The following SLC9A4 variants were observed in gnomAD, a reference collection of about 807,000 sequenced individuals.
SLC9A4 encodes solute carrier family 9 member A4.
SLC9A4 carries 63 observed loss-of-function variants against 67.4 expected under a neutral mutation model. The ratio of observed to expected loss-of-function variants is 0.93; its 90% CI spans 0.76 to 1.15. The LOEUF is 1.15. Ranked by LOEUF, SLC9A4 falls within the 50% of genes most tolerant of loss-of-function variation. The pLI is 0.00. For missense variants in SLC9A4, 1,089 were observed against 987.7 expected, an observed-to-expected ratio of 1.10 and a Z score of -1.38; for synonymous variants, 393 against 367.2, an observed-to-expected ratio of 1.07 and a Z score of -0.80.
chr2:102,480,831 C>T (rs746021248), intron 2 of SLC9A4, among the ~76,000 whole-genome samples: 7 of 152,196 alleles, frequency 4.6e-5, no homozygotes, highest in Non-Finnish European at 8.8e-5. Flanking sequence ...AACAGTTTAT[C>T]AGTCACCTGT....
In SLC9A4 at chr2:102,508,110, G is replaced by A; in HGVS notation, c.1230G>A (p.Gln410=). The change falls in exon 5 of 12, where the codon CAG becomes CAA. Residue 410 remains glutamine, a synonymous_variant. Coordinates refer to ENST00000295269, the MANE Select transcript of SLC9A4 (RefSeq NM_001011552.4). The part of the protein sequence containing the change: ...SVFALFYISN[Q]FRTFPFSIKD... The stretch of plus-strand genomic sequence containing the variant: ...TTGCTCTCTTCTATATCAGTAACCA[G>A]TTTCGGACTTTCCCCTTCTCCATCA... 2 of 1,614,156 alleles carry A rather than the reference G, an allele frequency of 1.2e-6. No individual in the cohort carries two copies. The highest frequency in any genetic ancestry group is 1.6e-4 in the Middle Eastern group (1 of 6,062).
chr2:102,477,747 G>A (rs1377299709), intron 1 of SLC9A4, among the ~76,000 whole-genome samples: 1 of 152,172 alleles, frequency 6.6e-6, no homozygotes, highest in Non-Finnish European at 1.5e-5. Context: ...GAGAAGACAA[G>A]TAATAGGCCT....
chr2:102,500,981 T>C (rs1019436206), intron 2 of SLC9A4, among the ~76,000 whole-genome samples: 18 of 149,178 alleles, frequency 1.2e-4, no homozygotes, highest in Non-Finnish European at 1.9e-4. Context: ...TTTAGTAAGA[T>C]AGAGTTTCGC....
intron 2 of SLC9A4, among the ~76,000 whole-genome samples, chr2:102,494,389 A>C (rs1243009848): frequency 1.3e-5 from 2 of 149,374 alleles, no homozygotes; most frequent in Non-Finnish European, 1.5e-5. Flanking sequence ...ACAAGTATTC[A>C]ATAAATAAAA....
intron 2 of SLC9A4, among the ~76,000 whole-genome samples, chr2:102,498,482 G>A (rs1014288458): frequency 1.3e-5 from 2 of 152,100 alleles, no homozygotes. Flanking sequence ...TTTGAGTCTC[G>A]GTCATATTCT....
chr2:102,492,569 CGTACCATG>C (rs1684725694), intron 2 of SLC9A4, among the ~76,000 whole-genome samples: 1 of 152,218 alleles, frequency 6.6e-6, no homozygotes, highest in Non-Finnish European at 1.5e-5. Context: ...TGAGACACAC[CGTACCATG>C]TCCTAAGGCT....
At chr2:102,494,163 T>G (rs1413375078) in intron 2 of SLC9A4, among the ~76,000 whole-genome samples, 1 of 151,942 alleles carries the variant, frequency 6.6e-6, no homozygotes, top group Non-Finnish European at 1.5e-5. Flanking sequence ...GATTTAATAT[T>G]ATGACTACAA....
At chr2:102,528,675 T>A (rs900949334) in intron 11 of SLC9A4, among the ~76,000 whole-genome samples, 3 of 152,160 alleles carry the variant, frequency 2.0e-5, no homozygotes, top group Non-Finnish European at 4.4e-5. Flanking sequence ...ATAAACAAAA[T>A]ACAGCAAAAC....
intron 4 of SLC9A4, chr2:102,505,689 G>A (rs1236447114): frequency 1.3e-5 from 6 of 479,278 alleles, no homozygotes; most frequent in Non-Finnish European, 2.2e-5. Flanking sequence ...TTGAAGCAAG[G>A]CTGGGGCAAG....
At chr2:102,508,802 G>A (rs1295715312) in intron 5 of SLC9A4, 45 bp from the exon 6 acceptor site, 1 of 1,494,884 alleles carries the variant, frequency 6.7e-7, no homozygotes, top group East Asian at 2.3e-5. Context: ...TCTAGTGACA[G>A]TCTTCATTAC....
intron 2 of SLC9A4, among the ~76,000 whole-genome samples, chr2:102,501,734 G>A (rs1377710551): frequency 3.3e-5 from 5 of 151,872 alleles, no homozygotes; most frequent in African/African-American, 9.7e-5. Context: ...TGAGTCCTGA[G>A]GATGAAGCCA....
intron 9 of SLC9A4, among the ~76,000 whole-genome samples, chr2:102,523,167 G>T (rs1484065698): frequency 6.6e-6 from 1 of 151,406 alleles, no homozygotes; most frequent in Non-Finnish European, 1.5e-5. Flanking sequence ...TAGAGATAGG[G>T]TTTAGTCATA....
At chr2:102,526,497 C>T in intron 11 of SLC9A4, 151 bp downstream of exon 11, 1 of 619,808 alleles carries the variant, frequency 1.6e-6, no homozygotes, top group Non-Finnish European at 2.7e-6. Context: ...ATAGTTGAAA[C>T]TCGGAACTTT....
At chr2:102,501,903 A>G (rs1684948672) in intron 2 of SLC9A4, among the ~76,000 whole-genome samples, 1 of 151,858 alleles carries the variant, frequency 6.6e-6, no homozygotes. Flanking sequence ...AGGGTGCAGC[A>G]TGAGGGGCCA....
At position 102,473,688 on chromosome 2, in the gene SLC9A4, C is replaced by G. The variant is rs1455566460; in HGVS notation, c.-72C>G. 1.9e-6 allele frequency: 3 copies of G among 1,570,490 alleles called. No individual in the cohort carries two copies. The highest frequency in any genetic ancestry group is 1.7e-5 in the Admixed American group (1 of 57,334). ...TGACCCAGGTGGATGCAGTCACTCT[C>G]TAGAAGCCTCCCCGACTTCAGATGT... On this transcript the variant is annotated 5_prime_UTR_variant, in exon 1 of 12. Transcript: ENST00000295269.
intron 9 of SLC9A4, among the ~76,000 whole-genome samples, chr2:102,523,231 C>T (rs1436781215): frequency 6.6e-6 from 1 of 151,958 alleles, no homozygotes; most frequent in Admixed American, 6.6e-5. Context: ...GTCTTGGCCT[C>T]CTGAAGTGCT....
intron 8 of SLC9A4, among the ~76,000 whole-genome samples, chr2:102,519,463 A>G (rs1558671642): frequency 6.6e-6 from 1 of 151,904 alleles, no homozygotes. Flanking sequence ...TGAATGAATC[A>G]TTTTTTTTCT....
At chr2:102,509,702 G>A (rs1685120522) in intron 6 of SLC9A4, among the ~76,000 whole-genome samples, 1 of 152,202 alleles carries the variant, frequency 6.6e-6, no homozygotes, top group Admixed American at 6.5e-5. Context: ...AGGGCTCAGT[G>A]AGGCTCTGGG....
At chr2:102,478,472 T>C (rs994617187) in intron 1 of SLC9A4, among the ~76,000 whole-genome samples, 4 of 152,216 alleles carry the variant, frequency 2.6e-5, no homozygotes, top group African/African-American at 9.6e-5. Context: ...GCTGAGGTTT[T>C]GGTGACTATG....
Sources: allele counts gnomAD v4.1 joint callset (sites outside exome capture counted in the v4.1 genomes callset), GRCh38; gene constraint gnomAD v4.1.1; transcripts MANE v1.5; gene names NCBI Gene and HGNC (gene_info 2026-07-23, HGNC 2026-07-21).